PYGL: variants seen among roughly 807,000 people sequenced by gnomAD.
PYGL encodes glycogen phosphorylase L.
PYGL carries 90 observed loss-of-function variants against 100.1 expected under a neutral mutation model. That is an observed-to-expected ratio of 0.90 (90% CI 0.76 to 1.07). PYGL has a LOEUF of 1.07. Ranked by LOEUF, PYGL falls within the 50% of genes least tolerant of loss-of-function variation. The probability of loss-of-function intolerance (pLI) is 0.00; values close to 1 mark genes in which losing one functional copy is unlikely to be tolerated. For missense variants in PYGL, 1,016 were observed against 1,057.6 expected, an observed-to-expected ratio of 0.96 and a Z score of 0.55; for synonymous variants, 373 against 393.0, an observed-to-expected ratio of 0.95 and a Z score of 0.60.
intron 13 of PYGL, among the ~76,000 whole-genome samples, chr14:50,912,810 C>T (rs1000740925): frequency 9.9e-5 from 15 of 152,098 alleles, no homozygotes; most frequent in African/African-American, 2.7e-4. Flanking sequence ...AAAAATTAGC[C>T]GGGCGTGGTG....
intron 1 of PYGL, 71 bp downstream of exon 1, chr14:50,944,090 G>T: frequency 2.0e-6 from 3 of 1,517,662 alleles, no homozygotes; most frequent in Non-Finnish European, 2.7e-6. Context: ...TCTCCACCTC[G>T]TCCCGCCCGG....
Position 50,905,534 on chromosome 14 carries a change from A to G in PYGL, c.2402T>C (p.Met801Thr). 7.4e-6 allele frequency: 12 copies of G among 1,614,026 alleles called. No individual in the cohort carries two copies. The highest frequency in any genetic ancestry group is 1.0e-5 in the Non-Finnish European group (12 of 1,179,914). The change falls in exon 20 of 20, where the codon ATG (methionine) becomes ACG (threonine). Residue 801 changes from methionine to threonine, a missense_variant. Met to Thr is a moderately conservative substitution (Grantham distance 81). Coordinates refer to ENST00000216392, the MANE Select transcript of PYGL (RefSeq NM_002863.5). ...LYMNPKAWNT[M>T]VLKNIAASGK... is the part of the protein sequence containing the mutation. ...CGAGGCAGCTATGTTTTTGAGTACCATTGTGTTCCAGGCCTTTGGATTCTG... is the reference window on the plus strand; with the variant it reads ...CGAGGCAGCTATGTTTTTGAGTACCGTTGTGTTCCAGGCCTTTGGATTCTG...
chr14:50,939,014 A>G (rs908478213), intron 1 of PYGL, among the ~76,000 whole-genome samples: 4 of 152,172 alleles, frequency 2.6e-5, no homozygotes, highest in African/African-American at 7.2e-5. Flanking sequence ...GAAATTTTAC[A>G]GTTTAATTAA....
At chr14:50,926,207 C>T (rs912721815) in intron 4 of PYGL, among the ~76,000 whole-genome samples, 14 of 151,912 alleles carry the variant, frequency 9.2e-5, no homozygotes, top group South Asian at 6.2e-4. Flanking sequence ...AAAAATTAGC[C>T]GAGTGTGGTG....
intron 12 of PYGL, among the ~76,000 whole-genome samples, chr14:50,913,619 C>T (rs1047416720): frequency 7.9e-5 from 12 of 152,154 alleles, no homozygotes; most frequent in South Asian, 6.2e-4. Context: ...TGTGATCTGC[C>T]CTCCTCGGCC....
intron 7 of PYGL, among the ~76,000 whole-genome samples, chr14:50,918,280 C>G (rs1209951497): frequency 6.6e-6 from 1 of 152,148 alleles, no homozygotes. Flanking sequence ...ATGGAGATTC[C>G]TTAAAGAACT....
chr14:50,940,709 AT>A (rs527781996), intron 1 of PYGL, among the ~76,000 whole-genome samples: 7 of 152,256 alleles, frequency 4.6e-5, no homozygotes, highest in East Asian at 1.9e-4. Context: ...TACTTTATAA[AT>A]TACATGCATG....
chr14:50,935,055 T>G, intron 3 of PYGL, 52 bp downstream of exon 3: 1 of 1,510,308 alleles, frequency 6.6e-7, no homozygotes. Context: ...GCATGGCATC[T>G]GAGATGTCTT....
intron 4 of PYGL, among the ~76,000 whole-genome samples, chr14:50,928,152 A>T (rs1454056689): frequency 6.6e-6 from 1 of 152,150 alleles, no homozygotes; most frequent in African/African-American, 2.4e-5. Context: ...ACTCAATGGA[A>T]TCTGTCCCAG....
At chr14:50,915,720 G>C (rs1013361394) in intron 10 of PYGL, 105 bp downstream of exon 10, 1 of 1,491,978 alleles carries the variant, frequency 6.7e-7, no homozygotes, top group African/African-American at 1.4e-5. Context: ...TACTTTTGCT[G>C]TATCAATGAT....
In PYGL at chr14:50,914,714, TCTGCAAGTC is replaced by T; in HGVS notation, c.1496_1504del (p.Gly499_Ala501del). On this transcript the variant is annotated inframe_deletion, in exon 12 of 20. Transcript: ENST00000216392. ...CTTCCCAGTTACCTCTGCTATGAGC[TCTGCAAGTC>T]CTGGGTTGCAGAGTAGGAGCCAGCG... 1 of 1,613,020 alleles carries T rather than the reference TCTGCAAGTC, an allele frequency of 6.2e-7. No homozygotes were observed. The highest frequency in any genetic ancestry group is 1.7e-4 in the Middle Eastern group (1 of 6,054).
chr14:50,914,318 A>G (rs1596035469), intron 12 of PYGL, among the ~76,000 whole-genome samples: 1 of 152,172 alleles, frequency 6.6e-6, no homozygotes, highest in Non-Finnish European at 1.5e-5. Flanking sequence ...CCAACATGGT[A>G]AAACCCTGTC....
chr14:50,929,600 A>G (rs2050585331), intron 4 of PYGL, among the ~76,000 whole-genome samples: 1 of 152,168 alleles, frequency 6.6e-6, no homozygotes, highest in South Asian at 2.1e-4. Context: ...TAAATCTTCC[A>G]TCTGATAATA....
At chr14:50,919,393 C>T (rs1400342730) in intron 7 of PYGL, among the ~76,000 whole-genome samples, 1 of 152,160 alleles carries the variant, frequency 6.6e-6, no homozygotes, top group African/African-American at 2.4e-5. Flanking sequence ...AATGCTCCAG[C>T]AAAATCCACA....
chr14:50,928,734 C>T (rs552900433), intron 4 of PYGL, among the ~76,000 whole-genome samples: 1 of 152,202 alleles, frequency 6.6e-6, no homozygotes, highest in Non-Finnish European at 1.5e-5. Flanking sequence ...AAAATCTTCC[C>T]AGCATGTGGA....
chr14:50,939,563 T>A (rs529246724), intron 1 of PYGL, among the ~76,000 whole-genome samples: 4 of 152,120 alleles, frequency 2.6e-5, no homozygotes, highest in South Asian at 4.1e-4. Flanking sequence ...CTTCTTTATA[T>A]ACAGCACAGT....
intron 7 of PYGL, among the ~76,000 whole-genome samples, chr14:50,920,149 CT>C (rs1246601410): frequency 2.6e-5 from 4 of 152,164 alleles, no homozygotes; most frequent in African/African-American, 9.7e-5. Context: ...CAGAAAGAGC[CT>C]AGTCAGTGAG....
Position 50,908,945 on chromosome 14 carries a change from T to C in PYGL, c.2188A>G (p.Lys730Glu), listed in dbSNP as rs1183341513. 1 of 1,605,590 alleles carries C rather than the reference T, an allele frequency of 6.2e-7. No individual in the cohort carries two copies. Among genetic ancestry groups the C allele is most frequent in the African/African-American group, 1.3e-5 (1 of 74,178 alleles). Residue 730 changes from lysine (K) to glutamate (E), a missense_variant, in exon 18 of 20, where the codon AAA becomes GAA. By Grantham distance (56) the Lys-to-Glu change is moderately conservative. Coordinates refer to ENST00000216392, the MANE Select transcript of PYGL (RefSeq NM_002863.5). ...TCTGGAAGTGCCTCATAGTATTCTTTTGCCTCGTACCTGTGGGGTAGGGGT... is the reference window on the plus strand; with the variant it reads ...TCTGGAAGTGCCTCATAGTATTCTTCTGCCTCGTACCTGTGGGGTAGGGGT... Reference protein sequence around the residue: ...AALDKKGYEAKEYYEALPELK... With the variant: ...AALDKKGYEAEEYYEALPELK...
chr14:50,923,814 A>T (rs1480002419), intron 5 of PYGL, 155 bp downstream of exon 5: 5 of 992,632 alleles, frequency 5.0e-6, no homozygotes, highest in Non-Finnish European at 7.3e-6. Flanking sequence ...GGCTGCGCTA[A>T]GAGAAGTAAC....
Sources: gnomAD v4.1 joint callset for allele counts (sites outside exome capture counted in the v4.1 genomes callset) on GRCh38, gnomAD v4.1.1 for gene constraint, MANE v1.5 for transcripts, NCBI Gene and HGNC (gene_info 2026-07-23, HGNC 2026-07-21) for gene names.